The following CSTPP1 variants were observed in gnomAD, a reference collection of about 807,000 sequenced individuals.
The protein encoded by CSTPP1 is centriolar satellite-associated tubulin polyglutamylase complex regulator 1.
At chr11:47,035,230 T>C in the CSTPP1 span, among the ~76,000 whole-genome samples, 7 of 152,346 alleles carry the variant, frequency 4.6e-5, 1 homozygote, top group East Asian at 1.4e-3. Context: ...CAGATCTCAA[T>C]CTATGATGTA....
At chr11:47,038,074 C>T in the CSTPP1 span, among the ~76,000 whole-genome samples, 6 of 103,618 alleles carry the variant, frequency 5.8e-5, no homozygotes, top group East Asian at 2.4e-4. Context: ...CCCTCACCTC[C>T]CGGATGGGGC....
chr11:47,122,094 AT>A, the CSTPP1 span, among the ~76,000 whole-genome samples: 59 of 100,776 alleles, frequency 5.9e-4, no homozygotes, highest in African/African-American at 2.2e-3. Flanking sequence ...AAAAAAAAAT[AT>A]ATATATATAT....
chr11:47,044,476 CT>C, the CSTPP1 span, among the ~76,000 whole-genome samples: 1 of 151,724 alleles, frequency 6.6e-6, no homozygotes, highest in Non-Finnish European at 1.5e-5. Context: ...ATTACTTAGG[CT>C]GAACAGACAG....
the CSTPP1 span, chr11:47,109,360 TGAGGACC>T: frequency 6.6e-6 from 1 of 152,102 alleles, no homozygotes; most frequent in Admixed American, 6.5e-5. Context: ...ACTTGGATTC[TGAGGACC>T]GAGGACAAGC....
chr11:47,096,295 T>C, the CSTPP1 span, among the ~76,000 whole-genome samples: 2 of 152,194 alleles, frequency 1.3e-5, no homozygotes, highest in African/African-American at 4.8e-5. Context: ...TTTCCAGAAC[T>C]TTTTCATCAT....
chr11:47,161,623 C>G, the CSTPP1 span: 1 of 1,613,042 alleles, frequency 6.2e-7, no homozygotes. Context: ...AAGAGACAGA[C>G]GAGTCGGAGA....
chr11:47,049,163 GT>G, the CSTPP1 span, among the ~76,000 whole-genome samples: 1 of 151,240 alleles, frequency 6.6e-6, no homozygotes, highest in African/African-American at 2.4e-5. Flanking sequence ...TTTTTGTAAT[GT>G]TTCATAAAAT....
At chr11:47,087,570 G>A in the CSTPP1 span, among the ~76,000 whole-genome samples, 8 of 152,156 alleles carry the variant, frequency 5.3e-5, no homozygotes, top group East Asian at 3.9e-4. Context: ...ATGGTGGTGC[G>A]GGCCTGTAAT....
the CSTPP1 span, among the ~76,000 whole-genome samples, chr11:47,138,413 T>C: frequency 1.3e-5 from 2 of 152,114 alleles, no homozygotes; most frequent in African/African-American, 4.8e-5. Flanking sequence ...AGCCTAACCA[T>C]ATCAGGGGGC....
At chr11:47,032,929 T>G in the CSTPP1 span, among the ~76,000 whole-genome samples, 1 of 152,162 alleles carries the variant, frequency 6.6e-6, no homozygotes, top group East Asian at 1.9e-4. Flanking sequence ...TTAAAACAGT[T>G]GATTAACACA....
At chr11:47,138,566 C>T in the CSTPP1 span, among the ~76,000 whole-genome samples, 1 of 152,218 alleles carries the variant, frequency 6.6e-6, no homozygotes, top group Non-Finnish European at 1.5e-5. Context: ...AGAACCAGGA[C>T]TTGGCAGAAA....
the CSTPP1 span, among the ~76,000 whole-genome samples, chr11:47,151,291 G>C: frequency 6.6e-6 from 1 of 151,932 alleles, no homozygotes; most frequent in South Asian, 2.1e-4. Context: ...CACGCCTGTA[G>C]TCCCAGTACT....
At chr11:47,092,174 A>C in the CSTPP1 span, among the ~76,000 whole-genome samples, 4 of 152,242 alleles carry the variant, frequency 2.6e-5, no homozygotes, top group Non-Finnish European at 4.4e-5. Flanking sequence ...TTTCAGATAA[A>C]GTCTAAAAAA....
the CSTPP1 span, among the ~76,000 whole-genome samples, chr11:47,078,309 G>A: frequency 3.3e-5 from 5 of 152,314 alleles, no homozygotes; most frequent in East Asian, 9.6e-4. Context: ...TTGAGTGACG[G>A]AAGCAACGTT....
chr11:47,160,114 C>A, the CSTPP1 span: 1 of 173,250 alleles, frequency 5.8e-6, no homozygotes, highest in Non-Finnish European at 1.2e-5. Context: ...CCAGCCTGGG[C>A]AATATAGGGA....
chr11:47,006,816 T>A, the CSTPP1 span, among the ~76,000 whole-genome samples: 1 of 149,274 alleles, frequency 6.7e-6, no homozygotes, highest in Non-Finnish European at 1.5e-5. Flanking sequence ...GGTCTCAAAC[T>A]CCTGGGCTCA....
chr11:46,951,505 G>A, the CSTPP1 span, among the ~76,000 whole-genome samples: 1 of 151,760 alleles, frequency 6.6e-6, no homozygotes, highest in African/African-American at 2.4e-5. Context: ...GGCTGGTCTC[G>A]AACTCCTGGG....
At chr11:47,132,100 T>C in the CSTPP1 span, among the ~76,000 whole-genome samples, 3 of 152,232 alleles carry the variant, frequency 2.0e-5, no homozygotes, top group African/African-American at 7.2e-5. Context: ...TGGTTTATCA[T>C]GTTTACTGAC....
chr11:47,066,475 C>T, the CSTPP1 span, among the ~76,000 whole-genome samples: 1 of 152,016 alleles, frequency 6.6e-6, no homozygotes, highest in Admixed American at 6.6e-5. Flanking sequence ...ATGAGATGTC[C>T]TGTACAGGGC....
Sources: gnomAD v4.1 joint callset for allele counts (sites outside exome capture counted in the v4.1 genomes callset) on GRCh38, gnomAD v4.1.1 for gene constraint, MANE v1.5 for transcripts, NCBI Gene and HGNC (gene_info 2026-07-23, HGNC 2026-07-21) for gene names.